Variants in RTN4R observed in about 807,000 individuals in gnomAD.
RTN4R encodes reticulon 4 receptor.
Under a neutral mutation model 27.7 loss-of-function variants are expected in RTN4R, and 4 were observed. The observed-to-expected ratio is 0.14, with a 90% confidence interval of 0.07 to 0.33. RTN4R has a LOEUF of 0.33. Among genes scored for constraint, RTN4R ranks in the 10% least tolerant of loss-of-function variants. The pLI, the probability that RTN4R is intolerant of heterozygous loss-of-function variation, is 1.00. For missense variants in RTN4R, 554 were observed against 671.5 expected (o/e 0.83, Z 1.93); for synonymous variants, 290 against 305.6 (o/e 0.95, Z 0.53).
chr22:20,246,398 T>C (rs2051141085), intron 1 of RTN4R, among the ~76,000 whole-genome samples: 1 of 150,784 alleles, frequency 6.6e-6, no homozygotes, highest in African/African-American at 2.4e-5. Context: ...CCATCAGTTC[T>C]GGTGAGTGGA....
chr22:20,243,070 C>A lies in RTN4R; in HGVS notation c.63G>T (p.Trp21Cys). 2 of 1,600,430 alleles carry A rather than the reference C, an allele frequency of 1.2e-6. No individual in the cohort carries two copies. The highest frequency in any genetic ancestry group is 8.5e-7 in the Non-Finnish European group (1 of 1,179,794). The change falls in exon 2 of 2, where the codon TGG becomes TGT. Residue 21 changes from tryptophan (W) to cysteine (C), a missense_variant. By Grantham distance (215) the Trp-to-Cys change is radical. This residue lies in a region of RTN4R where 413 missense variants were observed against 542.3 expected (regional missense o/e 0.76). Coordinates refer to ENST00000043402, the MANE Select transcript of RTN4R (RefSeq NM_023004.6). ...LLAWVLWLQA[W>C]QVAAPCPGAC... ...CACCTGGGCATGGGGCTGCCACCTG[C>A]CAGGCCTGCAGCCACAGCACCCATG...
In RTN4R at chr22:20,243,163, C is replaced by T. The variant is rs1181450065; in HGVS notation, c.23-53G>A. 3 of 1,565,802 alleles carry T rather than the reference C, an allele frequency of 1.9e-6. No homozygotes were observed. The African/African-American group carries it at 4.0e-5, about 21-fold the overall frequency. ...AGGAAGGGCAGGGGTACTGGAGAAG[C>T]TGGAGGTTTTGCTAGAGCCAGGTGG... On this transcript the variant is annotated intron_variant, in intron 1 of 1. Coordinates refer to ENST00000043402, the MANE Select transcript of RTN4R (RefSeq NM_023004.6).
At position 20,264,172 on chromosome 22, in the gene RTN4R, C is replaced by T. The variant is rs2051263946; in HGVS notation, c.22+3899G>A. 2.6e-5 allele frequency among the ~76,000 whole-genome samples: 4 copies of T among 152,226 alleles called. No homozygotes were observed. The South Asian group carries it at 8.3e-4, about 32-fold the overall frequency. On this transcript the variant is annotated intron_variant, in intron 1 of 1. Coordinates refer to ENST00000043402, the MANE Select transcript of RTN4R (RefSeq NM_023004.6). ...GGGTGGGTGTGCAGAGCTGCATCTCCCAGTGTCCAGCTCCACGGCTGCAGG... is the reference window on the plus strand; with the variant it reads ...GGGTGGGTGTGCAGAGCTGCATCTCTCAGTGTCCAGCTCCACGGCTGCAGG...
intron 1 of RTN4R, among the ~76,000 whole-genome samples, chr22:20,266,672 C>G (rs114446548): frequency 0.021 from 3,211 of 152,284 alleles, 124 homozygotes; most frequent in African/African-American, 0.074. Flanking sequence ...TAGGGAGTGG[C>G]TGGGAGACCC....
intron 1 of RTN4R, among the ~76,000 whole-genome samples, chr22:20,256,636 C>G (rs2051213431): frequency 6.6e-6 from 1 of 152,172 alleles, no homozygotes; most frequent in Non-Finnish European, 1.5e-5. Context: ...ACCTTGCAAC[C>G]CACCGGGCAG....
chr22:20,241,671 C>T lies in RTN4R; in HGVS notation c.*40G>A. The T allele has an allele frequency of 6.5e-7, 1 of 1,547,108 alleles. No homozygotes were observed. The highest frequency in any genetic ancestry group is 8.7e-7 in the Non-Finnish European group (1 of 1,145,682). On this transcript the variant is annotated 3_prime_UTR_variant, in exon 2 of 2. Coordinates refer to ENST00000043402, the MANE Select transcript of RTN4R (RefSeq NM_023004.6). ...CGTGGAGAGAGACCCCGTATGTACA[C>T]ACACCTGGCTGCTGAGCACGCTCTT... is the stretch of plus-strand genomic sequence containing the variant.
At chr22:20,256,765 C>T (rs531764331) in intron 1 of RTN4R, among the ~76,000 whole-genome samples, 2 of 152,204 alleles carry the variant, frequency 1.3e-5, no homozygotes, top group Admixed American at 6.5e-5. Context: ...CCTGGAGGCC[C>T]GGTCACCCCC....
At chr22:20,258,677 T>C (rs115321896) in intron 1 of RTN4R, among the ~76,000 whole-genome samples, 1,690 of 152,286 alleles carry the variant, frequency 0.011, 32 homozygotes, top group African/African-American at 0.038. Flanking sequence ...GCTACTCCCC[T>C]GGCTCCCAGG....
At chr22:20,248,588 CCT>C (rs1387912720) in intron 1 of RTN4R, among the ~76,000 whole-genome samples, 2 of 152,202 alleles carry the variant, frequency 1.3e-5, no homozygotes, top group African/African-American at 4.8e-5. Flanking sequence ...TGAAGTGGCC[CCT>C]GTCCCAGGTG....
At chr22:20,246,708 G>A (rs2051143451) in intron 1 of RTN4R, among the ~76,000 whole-genome samples, 1 of 152,210 alleles carries the variant, frequency 6.6e-6, no homozygotes, top group Admixed American at 6.5e-5. Flanking sequence ...TTGGGCTGAA[G>A]TTCCACAGGG....
At chr22:20,245,011 G>C (rs1265276193) in intron 1 of RTN4R, among the ~76,000 whole-genome samples, 1 of 152,194 alleles carries the variant, frequency 6.6e-6, no homozygotes, top group Non-Finnish European at 1.5e-5. Context: ...TGTGGGCTGT[G>C]AGTCTGGCTG....
chr22:20,256,961 A>G (rs1021723586), intron 1 of RTN4R, among the ~76,000 whole-genome samples: 8 of 152,154 alleles, frequency 5.3e-5, no homozygotes, highest in Admixed American at 1.3e-4. Flanking sequence ...TCGCTGGCCC[A>G]CTTAGCAGGC....
chr22:20,265,275 C>T (rs937203621), intron 1 of RTN4R, among the ~76,000 whole-genome samples: 6 of 152,334 alleles, frequency 3.9e-5, no homozygotes, highest in African/African-American at 1.4e-4. Flanking sequence ...CTGGCCCTCA[C>T]AGCCTGCCTG....
At chr22:20,266,783 G>C (rs2051279716) in intron 1 of RTN4R, among the ~76,000 whole-genome samples, 1 of 152,208 alleles carries the variant, frequency 6.6e-6, no homozygotes, top group Admixed American at 6.5e-5. Context: ...GGCACACAAG[G>C]GGCACCCACA....
intron 1 of RTN4R, among the ~76,000 whole-genome samples, chr22:20,253,905 AC>A (rs1200095887): frequency 6.6e-6 from 1 of 152,184 alleles, no homozygotes; most frequent in Non-Finnish European, 1.5e-5. Flanking sequence ...AGAAAGAAAA[AC>A]AAAGGAGAAA....
At chr22:20,263,080 T>C (rs2051257056) in intron 1 of RTN4R, among the ~76,000 whole-genome samples, 1 of 152,234 alleles carries the variant, frequency 6.6e-6, no homozygotes, top group Non-Finnish European at 1.5e-5. Flanking sequence ...ACATTTCCCG[T>C]GACATTTGCT....
chr22:20,243,152 T>TA, intron 1 of RTN4R, 42 bp from the exon 2 acceptor site: 1 of 1,581,866 alleles, frequency 6.3e-7, no homozygotes, highest in Non-Finnish European at 8.6e-7. Context: ...AGGGCAGGGG[T>TA]ACTGGAGAAG....
chr22:20,257,038 C>T (rs1302139148), intron 1 of RTN4R, among the ~76,000 whole-genome samples: 2 of 152,208 alleles, frequency 1.3e-5, no homozygotes, highest in Admixed American at 6.5e-5. Context: ...GCTGGTGACC[C>T]GCATACAGGA....
intron 1 of RTN4R, among the ~76,000 whole-genome samples, chr22:20,245,745 A>C (rs701427): frequency 0.62 from 93,931 of 152,060 alleles, 29,271 homozygotes; most frequent in Non-Finnish European, 0.64. Context: ...TGGAGATAGC[A>C]TGGCCTCCCT....
Sources: allele counts gnomAD v4.1 joint callset (sites outside exome capture counted in the v4.1 genomes callset), GRCh38; gene constraint gnomAD v4.1.1; regional missense constraint gnomAD v4.1.1; transcripts MANE v1.5; gene names NCBI Gene and HGNC (gene_info 2026-07-23, HGNC 2026-07-21).